HDC: variants seen among roughly 807,000 people sequenced by gnomAD.
HDC encodes the protein histidine decarboxylase.
HDC carries 27 observed loss-of-function variants against 64.4 expected under a neutral mutation model. The observed-to-expected ratio is 0.42, with a 90% CI of 0.31 to 0.58. The LOEUF is 0.58. HDC is among the 20% of genes least tolerant of loss of function. The probability of loss-of-function intolerance (pLI) is 0.16; values close to 1 mark genes in which losing one functional copy is unlikely to be tolerated. For missense variants in HDC, 711 were observed against 833.9 expected, an observed-to-expected ratio of 0.85 and a Z score of 1.81; for synonymous variants, 305 against 314.2, an observed-to-expected ratio of 0.97 and a Z score of 0.31.
chr15:50,255,472 A>G (rs1008276019), intron 4 of HDC, among the ~76,000 whole-genome samples: 1 of 152,202 alleles, frequency 6.6e-6, no homozygotes, highest in African/African-American at 2.4e-5. Flanking sequence ...GAGTTACTCC[A>G]TAAAAAGAAA....
intron 6 of HDC, 53 bp downstream of exon 6, chr15:50,254,077 T>C (rs1450226208): frequency 6.2e-7 from 1 of 1,605,368 alleles, no homozygotes; most frequent in South Asian, 1.1e-5. Context: ...CCAAAATTCC[T>C]TCCTCACATC....
At chr15:50,259,848 G>A (rs2045679906) in intron 2 of HDC, among the ~76,000 whole-genome samples, 1 of 152,122 alleles carries the variant, frequency 6.6e-6, no homozygotes, top group Non-Finnish European at 1.5e-5. Flanking sequence ...TCAAGAGCAA[G>A]GACCTTGTCC....
intron 4 of HDC, among the ~76,000 whole-genome samples, chr15:50,255,551 G>A (rs1362680323): frequency 6.6e-6 from 1 of 152,150 alleles, no homozygotes; most frequent in African/African-American, 2.4e-5. Context: ...GCTCGCACCT[G>A]TAATCCCAGC....
intron 9 of HDC, among the ~76,000 whole-genome samples, chr15:50,252,011 A>T (rs1004938828): frequency 1.4e-4 from 21 of 151,298 alleles, no homozygotes; most frequent in Middle Eastern, 3.4e-3. Flanking sequence ...TCTGTCAGGG[A>T]CAAAAAAACA....
chr15:50,252,508 C>G lies in HDC; in HGVS notation c.963G>C (p.Lys321Asn), dbSNP rs983002840. ...CACTGAAGGTCTGCTGCAGCTTGTA[C>G]TTGTCCTTGACCCTGTGGGTTTCCA... ...FDCTGFWVKD[K>N]YKLQQTFSVN... Residue 321 changes from lysine (K) to asparagine (N), a missense_variant, in exon 9 of 12, where the codon AAG becomes AAC. Coordinates refer to ENST00000267845, the MANE Select transcript of HDC (RefSeq NM_002112.4). 6.2e-7 allele frequency: 1 copy of G among 1,614,216 alleles called. No homozygotes were observed. Among genetic ancestry groups the G allele is most frequent in the Non-Finnish European group, 8.5e-7 (1 of 1,180,042 alleles).
intron 10 of HDC, among the ~76,000 whole-genome samples, chr15:50,247,165 A>T (rs968019712): frequency 2.0e-5 from 3 of 152,146 alleles, no homozygotes; most frequent in African/African-American, 7.2e-5. Flanking sequence ...AATAGATCTA[A>T]TGTTAGGCGG....
At chr15:50,257,584 C>G (rs1248526857) in intron 3 of HDC, 37 bp from the exon 4 acceptor site, 15 of 1,612,698 alleles carry the variant, frequency 9.3e-6, no homozygotes, top group Non-Finnish European at 1.3e-5. Context: ...TGCACAGCCC[C>G]AGGGCACTGA....
Position 50,243,163 on chromosome 15 carries a change from G to A in HDC, c.1222C>T (p.Leu408=), listed in dbSNP as rs755522711. The change falls in exon 11 of 12, where the codon CTG becomes TTG. Residue 408 remains leucine (L), a synonymous_variant. Coordinates refer to ENST00000267845, the MANE Select transcript of HDC (RefSeq NM_002112.4). The part of the protein sequence containing the change: ...FEIPAKRHLG[L]VVFRLKGPNC... ...ATTACCTTTAGACGAAAAACCACCA[G>A]GCCAAGGTGCCTCTTGGCAGGAATT... The A allele has an allele frequency of 6.2e-6, 10 of 1,613,500 alleles. No individual in the cohort carries two copies. Among genetic ancestry groups the A allele is most frequent in the Non-Finnish European group, 8.5e-6 (10 of 1,179,434 alleles).
At chr15:50,249,819 GATTTT>G (rs745397509) in intron 9 of HDC, among the ~76,000 whole-genome samples, 4 of 152,206 alleles carry the variant, frequency 2.6e-5, no homozygotes, top group Non-Finnish European at 4.4e-5. Context: ...AGGCAGAGGT[GATTTT>G]ATTTTGATTT....
intron 1 of HDC, among the ~76,000 whole-genome samples, chr15:50,264,590 C>CAT (rs1304969489): frequency 1.3e-5 from 2 of 152,088 alleles, no homozygotes; most frequent in Non-Finnish European, 2.9e-5. Flanking sequence ...GCTGTGTGTG[C>CAT]ATGTGTGTGT....
At chr15:50,257,578 C>T (rs1219830266) in intron 3 of HDC, 31 bp from the exon 4 acceptor site, 26 of 1,613,102 alleles carry the variant, frequency 1.6e-5, no homozygotes, top group Non-Finnish European at 2.2e-5. Flanking sequence ...TCAAACTGCA[C>T]AGCCCCAGGG....
At chr15:50,265,003 G>A (rs2045749145) in intron 1 of HDC, among the ~76,000 whole-genome samples, 9 of 152,204 alleles carry the variant, frequency 5.9e-5, no homozygotes, top group Admixed American at 5.9e-4. Context: ...TGAGTAGGAG[G>A]ATATAAAACA....
intron 9 of HDC, among the ~76,000 whole-genome samples, chr15:50,251,989 C>T (rs933298968): frequency 2.0e-5 from 3 of 152,126 alleles, no homozygotes. Context: ...CACAGAGCTG[C>T]CCCACAGCGC....
chr15:50,254,357 A>G, intron 5 of HDC, 84 bp from the exon 6 acceptor site: 1 of 1,569,640 alleles, frequency 6.4e-7, no homozygotes, highest in Non-Finnish European at 8.8e-7. Flanking sequence ...AAGACTCGGG[A>G]ACCAAATATG....
chr15:50,252,477 G>A lies in HDC; in HGVS notation c.994C>T (p.Pro332Ser). The change falls in exon 9 of 12, where the codon CCC becomes TCC. Residue 332 changes from proline (P) to serine (S), a missense_variant. Around this residue, in one of 3 missense-constraint regions of HDC, gnomAD observed 483 missense variants for 540.9 expected, o/e 0.89. Transcript: ENST00000267845. Reference protein sequence around the residue: ...YKLQQTFSVNPIYLRHANSGV... With the variant: ...YKLQQTFSVNSIYLRHANSGV... The stretch of plus-strand genomic sequence containing the variant: ...GAGTTGGCATGCCTGAGGTAGATGG[G>A]ATTCACACTGAAGGTCTGCTGCAGC... The A allele has an allele frequency of 6.2e-7, 1 of 1,614,196 alleles. No homozygotes were observed. Among genetic ancestry groups the A allele is most frequent in the African/African-American group, 1.3e-5 (1 of 75,048 alleles).
intron 10 of HDC, chr15:50,244,882 C>T (rs2045457524): frequency 1.3e-5 from 2 of 152,244 alleles, no homozygotes; most frequent in African/African-American, 2.4e-5. Context: ...AGCTTCCCAC[C>T]TCAGCCTCCC....
At chr15:50,249,565 G>A (rs933616969) in intron 9 of HDC, among the ~76,000 whole-genome samples, 1 of 152,204 alleles carries the variant, frequency 6.6e-6, no homozygotes, top group African/African-American at 2.4e-5. Context: ...GCAAAACTCT[G>A]TTGTGCTGGG....
chr15:50,254,717 T>G, intron 4 of HDC, 53 bp from the exon 5 acceptor site: 2 of 1,591,590 alleles, frequency 1.3e-6, no homozygotes, highest in Non-Finnish European at 1.7e-6. Context: ...CTTGCCAAAT[T>G]TCCCCAGGCT....
At chr15:50,257,852 C>T (rs1202091483) in intron 3 of HDC, among the ~76,000 whole-genome samples, 4 of 152,142 alleles carry the variant, frequency 2.6e-5, no homozygotes, top group Non-Finnish European at 5.9e-5. Flanking sequence ...CTGAGAAGTC[C>T]TCAAATGCCC....
Sources: allele counts gnomAD v4.1 joint callset (sites outside exome capture counted in the v4.1 genomes callset), GRCh38; gene constraint gnomAD v4.1.1; regional missense constraint gnomAD v4.1.1; transcripts MANE v1.5; gene names NCBI Gene and HGNC (gene_info 2026-07-23, HGNC 2026-07-21).